Variants in CERS6 observed in about 807,000 individuals in gnomAD.
The protein encoded by CERS6 is ceramide synthase 6, also known as LAG1 homolog, ceramide synthase 6.
Under a neutral mutation model 56.8 loss-of-function variants are expected in CERS6, and 26 were observed. The observed-to-expected ratio is 0.46, with a 90% CI of 0.34 to 0.63. The LOEUF (loss-of-function observed/expected upper bound fraction) is 0.63, where lower values mean the gene tolerates loss of function less well. CERS6 is among the 30% of genes least tolerant of loss of function. The pLI is 0.01. For missense variants in CERS6, 415 were observed against 467.5 expected (o/e 0.89, Z 1.04); for synonymous variants, 164 against 173.3 (o/e 0.95, Z 0.42).
intron 1 of CERS6, among the ~76,000 whole-genome samples, chr2:168,511,245 C>T (rs1694782473): frequency 6.6e-6 from 1 of 152,142 alleles, no homozygotes; most frequent in Non-Finnish European, 1.5e-5. Flanking sequence ...TGTTAGAGCA[C>T]ATCTGTAAAT....
intron 1 of CERS6, among the ~76,000 whole-genome samples, chr2:168,502,734 G>A (rs1694606997): frequency 6.6e-6 from 1 of 152,224 alleles, no homozygotes; most frequent in Admixed American, 6.5e-5. Flanking sequence ...CAGTAGGCAG[G>A]CCCAAGTGAG....
intron 8 of CERS6, among the ~76,000 whole-genome samples, chr2:168,752,248 T>A (rs1281829205): frequency 2.0e-5 from 3 of 150,356 alleles, no homozygotes; most frequent in African/African-American, 7.3e-5. Context: ...AGGCCCACCT[T>A]GGCAACAGAC....
chr2:168,765,612 T>G lies in CERS6; in HGVS notation c.866T>G (p.Phe289Cys). The G allele has an allele frequency of 6.2e-7, 1 of 1,613,636 alleles. No homozygotes were observed. The highest frequency in any genetic ancestry group is 8.5e-7 in the Non-Finnish European group (1 of 1,179,864). ...FPLWVLNTTLFESWEIVGPYP... is the reference protein window; with the variant it reads ...FPLWVLNTTLCESWEIVGPYP... ...CTTAGGGTGTTAAATACCACATTAT[T>G]TGAAAGCTGGGAGATCGTTGGACCT... Residue 289 changes from phenylalanine (F) to cysteine (C), a missense_variant, in exon 9 of 10, where the codon TTT (phenylalanine) becomes TGT (cysteine). Coordinates refer to ENST00000305747, the MANE Select transcript of CERS6 (RefSeq NM_203463.3).
At chr2:168,752,627 G>A (rs1326398000) in intron 8 of CERS6, among the ~76,000 whole-genome samples, 1 of 152,170 alleles carries the variant, frequency 6.6e-6, no homozygotes, top group Non-Finnish European at 1.5e-5. Context: ...GTAGCTGGCA[G>A]CTACAGTATA....
intron 4 of CERS6, chr2:168,644,050 A>C: frequency 1.0e-6 from 1 of 978,452 alleles, no homozygotes; most frequent in African/African-American, 1.8e-5. Context: ...ATAGCATAAA[A>C]ATCTTTCTGT....
At chr2:168,537,396 A>G (rs1387109493) in intron 1 of CERS6, among the ~76,000 whole-genome samples, 1 of 152,240 alleles carries the variant, frequency 6.6e-6, no homozygotes, top group Non-Finnish European at 1.5e-5. Flanking sequence ...GTATGACCAT[A>G]TCACAAATAT....
intron 6 of CERS6, 107 bp from the exon 7 acceptor site, chr2:168,714,894 T>G (rs909532356): frequency 6.3e-6 from 6 of 958,796 alleles, no homozygotes; most frequent in Non-Finnish European, 7.8e-6. Flanking sequence ...TCATCCTCAG[T>G]GCTAGGTTTG....
At chr2:168,558,940 G>A (rs1695735322) in intron 2 of CERS6, among the ~76,000 whole-genome samples, 1 of 152,104 alleles carries the variant, frequency 6.6e-6, no homozygotes, top group South Asian at 2.1e-4. Flanking sequence ...TAATAACTGT[G>A]GTTATCTGAC....
At chr2:168,725,883 A>G (rs1426533726) in intron 8 of CERS6, among the ~76,000 whole-genome samples, 1 of 152,252 alleles carries the variant, frequency 6.6e-6, no homozygotes, top group East Asian at 1.9e-4. Flanking sequence ...CTTTGTAGTC[A>G]CACAGTCAGT....
At chr2:168,762,906 C>T (rs1401547039) in intron 8 of CERS6, among the ~76,000 whole-genome samples, 1 of 52,898 alleles carries the variant, frequency 1.9e-5, no homozygotes, top group Non-Finnish European at 3.1e-5. Context: ...AGGTCTCTCA[C>T]TCTTGTCGCC....
rs550132471 is a variant in CERS6 at position 168,760,883 on chromosome 2, G to T, written c.846-4709G>T. 3.3e-5 allele frequency among the ~76,000 whole-genome samples: 5 copies of T among 152,194 alleles called. No individual in the cohort carries two copies. The East Asian group carries it at 9.7e-4, about 29-fold the overall frequency. Reference sequence around the variant, plus strand: ...CCATTCTCCTGCCTCAGCCTCCCGCGTAGCTGGGACTACAGGCGCCCGCCA... The same window carrying T: ...CCATTCTCCTGCCTCAGCCTCCCGCTTAGCTGGGACTACAGGCGCCCGCCA... On this transcript the variant is annotated intron_variant, in intron 8 of 9. Transcript: ENST00000305747.
At chr2:168,518,274 G>A (rs570125137) in intron 1 of CERS6, among the ~76,000 whole-genome samples, 121 of 152,254 alleles carry the variant, frequency 7.9e-4, no homozygotes, top group Middle Eastern at 3.4e-3. Context: ...TTCCTAGAAG[G>A]TGGGGGAATA....
Position 168,561,425 on chromosome 2 carries a change from G to T in CERS6, c.407+103G>T, listed in dbSNP as rs1695787076. Reference sequence around the variant, plus strand: ...TGCAGGCTTCAGCAGCCCTTAAAAAGCTGCAATCTGGTGGGAAAATAGTTC... The same window carrying T: ...TGCAGGCTTCAGCAGCCCTTAAAAATCTGCAATCTGGTGGGAAAATAGTTC... On this transcript the variant is annotated intron_variant, in intron 3 of 9. Transcript: ENST00000305747. The T allele has an allele frequency of 3.1e-6, 4 of 1,298,230 alleles. No homozygotes were observed. In the African/African-American group the frequency reaches 4.4e-5, roughly 14 times the overall value. 80.4% of individuals were successfully genotyped at this position (1,298,230 alleles called of 1,614,324 possible). A position where few individuals can be genotyped will look rare whatever the true frequency, so the allele number is the denominator to read the frequency against.
chr2:168,495,805 GTTTCCA>G (rs1427974112), intron 1 of CERS6, among the ~76,000 whole-genome samples: 1 of 152,128 alleles, frequency 6.6e-6, no homozygotes, highest in Non-Finnish European at 1.5e-5. Flanking sequence ...GGGCATGATT[GTTTCCA>G]TTTTGACTTT....
intron 3 of CERS6, among the ~76,000 whole-genome samples, chr2:168,600,001 G>A (rs1469017701): frequency 6.6e-6 from 1 of 152,134 alleles, no homozygotes; most frequent in Non-Finnish European, 1.5e-5. Flanking sequence ...TGGTTACAGT[G>A]ATACAGTGAT....
intron 4 of CERS6, among the ~76,000 whole-genome samples, chr2:168,679,831 C>G (rs572739072): frequency 1.3e-5 from 2 of 152,298 alleles, no homozygotes; most frequent in South Asian, 4.2e-4. Context: ...TATTAGTTTA[C>G]TCTTTGGTTA....
intron 1 of CERS6, among the ~76,000 whole-genome samples, chr2:168,495,177 T>C (rs910010641): frequency 5.9e-5 from 9 of 152,214 alleles, no homozygotes; most frequent in Non-Finnish European, 1.2e-4. Context: ...ATAGTCTGAC[T>C]CTCATGATTG....
intron 3 of CERS6, among the ~76,000 whole-genome samples, chr2:168,602,198 G>A (rs1683950508): frequency 6.6e-6 from 1 of 152,190 alleles, no homozygotes; most frequent in Non-Finnish European, 1.5e-5. Flanking sequence ...TTTAGAAGAT[G>A]TAAGGGAATT....
At chr2:168,751,687 G>A (rs1028258851) in intron 8 of CERS6, among the ~76,000 whole-genome samples, 2 of 151,978 alleles carry the variant, frequency 1.3e-5, no homozygotes, top group African/African-American at 2.4e-5. Context: ...CTAAATCAAG[G>A]CCTTAATCTA....
Sources: allele counts gnomAD v4.1 joint callset (sites outside exome capture counted in the v4.1 genomes callset), GRCh38; gene constraint gnomAD v4.1.1; transcripts MANE v1.5; gene names NCBI Gene and HGNC (gene_info 2026-07-23, HGNC 2026-07-21).